CDK7: variants seen among roughly 807,000 people sequenced by gnomAD.
The protein encoded by CDK7 is cyclin-dependent kinase 7.
Under a neutral mutation model 49.1 loss-of-function variants are expected in CDK7, and 25 were observed. That is an observed-to-expected ratio of 0.51 (90% CI 0.37 to 0.71). The LOEUF (loss-of-function observed/expected upper bound fraction) is 0.71. CDK7 is among the 30% of genes least tolerant of loss of function. The pLI is 0.00. For missense variants in CDK7, 316 were observed against 411.7 expected, an observed-to-expected ratio of 0.77 and a Z score of 2.01; for synonymous variants, 107 against 140.0, an observed-to-expected ratio of 0.76 and a Z score of 1.67.
rs1406641331 is a variant in CDK7, at chr5:69,252,429, A to G, written c.138A>G (p.Gly46=). ...TCCGTTTCTACCAGATCAAACTTGGACATAGATCAGAAGCTAAAGATGGTA... is the reference window on the plus strand; with the variant it reads ...TCCGTTTCTACCAGATCAAACTTGGGCATAGATCAGAAGCTAAAGATGGTA... ...QIVAIKKIKL[G]HRSEAKDGIN... The change falls in exon 3 of 12, where the codon GGA becomes GGG. Residue 46 remains glycine (G), a synonymous_variant. Coordinates refer to ENST00000256443, the MANE Select transcript of CDK7 (RefSeq NM_001799.4). 9.6e-6 allele frequency: 15 copies of G among 1,557,446 alleles called. No homozygotes were observed. The highest frequency in any genetic ancestry group is 1.3e-5 in the Non-Finnish European group (15 of 1,149,040).
At chr5:69,246,792 T>C (rs1283915235) in intron 2 of CDK7, among the ~76,000 whole-genome samples, 2 of 152,116 alleles carry the variant, frequency 1.3e-5, no homozygotes, top group Admixed American at 1.3e-4. Flanking sequence ...TTTGGTATGT[T>C]GTGTTTCCGT....
In CDK7 at chr5:69,276,685, A is replaced by G; in HGVS notation, c.1007A>G (p.Glu336Gly). ...AAAAGGAAAAGAACAGAGGCCTTAGAACAAGGTAAGATTCCCACTTTTAAA... is the reference window on the plus strand; with the variant it reads ...AAAAGGAAAAGAACAGAGGCCTTAGGACAAGGTAAGATTCCCACTTTTAAA... ...AIKRKRTEAL[E>G]QGGLPKKLIF Residue 336 changes from glutamate (E) to glycine (G), a missense_variant, in exon 11 of 12, where the codon GAA becomes GGA. Transcript: ENST00000256443. 6.2e-7 allele frequency: 1 copy of G among 1,612,718 alleles called. No individual in the cohort carries two copies. Among genetic ancestry groups the G allele is most frequent in the Non-Finnish European group, 8.5e-7 (1 of 1,179,654 alleles).
intron 2 of CDK7, among the ~76,000 whole-genome samples, chr5:69,244,135 A>T (rs865884515): frequency 6.6e-6 from 1 of 152,118 alleles, no homozygotes; most frequent in African/African-American, 2.4e-5. Flanking sequence ...CCCGTTCAGT[A>T]GTTTTTATTT....
chr5:69,271,450 C>G (rs973537995), intron 9 of CDK7, among the ~76,000 whole-genome samples: 1 of 150,822 alleles, frequency 6.6e-6, no homozygotes, highest in Admixed American at 6.6e-5. Context: ...ATTGATCATC[C>G]TTTTGGTGTC....
At chr5:69,262,180 G>A (rs746662050) in intron 7 of CDK7, 25 bp from the exon 8 acceptor site, 2 of 1,612,624 alleles carry the variant, frequency 1.2e-6, no homozygotes, top group East Asian at 2.2e-5. Context: ...ATGCTAAAAT[G>A]ATACTAATTC....
chr5:69,256,346 T>G (rs1460560530), intron 5 of CDK7, among the ~76,000 whole-genome samples: 1 of 152,088 alleles, frequency 6.6e-6, no homozygotes, highest in Non-Finnish European at 1.5e-5. Context: ...TTTTTTTGTT[T>G]GTTTTTGTTT....
intron 9 of CDK7, among the ~76,000 whole-genome samples, chr5:69,271,365 G>A (rs930582907): frequency 2.0e-5 from 3 of 152,080 alleles, no homozygotes; most frequent in African/African-American, 7.2e-5. Flanking sequence ...AGTGTATGTA[G>A]TTTGCAGATG....
chr5:69,272,649 A>G (rs1312255000), intron 9 of CDK7, among the ~76,000 whole-genome samples: 1 of 152,086 alleles, frequency 6.6e-6, no homozygotes, highest in African/African-American at 2.4e-5. Flanking sequence ...GGTGATTATA[A>G]ATAGTACTGT....
intron 2 of CDK7, among the ~76,000 whole-genome samples, chr5:69,240,174 T>G (rs1314937319): frequency 6.6e-6 from 1 of 152,074 alleles, no homozygotes; most frequent in African/African-American, 2.4e-5. Flanking sequence ...GTGGTGGGTT[T>G]GTTTGTTTTT....
At chr5:69,252,286 A>C in intron 2 of CDK7, 132 bp from the exon 3 acceptor site, 1 of 648,742 alleles carries the variant, frequency 1.5e-6, no homozygotes, top group Non-Finnish European at 2.7e-6. Context: ...CTTTTTGCCT[A>C]GTAGGTACAT....
intron 8 of CDK7, among the ~76,000 whole-genome samples, chr5:69,267,903 TAAG>T (rs1446344627): frequency 1.3e-5 from 2 of 152,212 alleles, no homozygotes; most frequent in African/African-American, 4.8e-5. Flanking sequence ...CTTTTGGGTT[TAAG>T]AAGAAAATTA....
At chr5:69,238,669 T>A (rs1749169859) in intron 2 of CDK7, among the ~76,000 whole-genome samples, 2 of 151,708 alleles carry the variant, frequency 1.3e-5, no homozygotes, top group Admixed American at 6.6e-5. Context: ...TTTTATTTTT[T>A]TTTTTGAGAC....
At chr5:69,261,995 C>G (rs1381460627) in intron 7 of CDK7, among the ~76,000 whole-genome samples, 1 of 151,966 alleles carries the variant, frequency 6.6e-6, no homozygotes, top group Admixed American at 6.6e-5. Flanking sequence ...TGGGAAAAGT[C>G]TAGTAGAAAA....
chr5:69,273,766 A>T lies in CDK7; in HGVS notation c.864+725A>T, dbSNP rs150953359. ...ATATTAATGTACAGTAATATTAAGC[A>T]TACAAAATAGATTTTTTTCTCTTTA... On this transcript the variant is annotated intron_variant, in intron 10 of 11. Coordinates refer to ENST00000256443, the MANE Select transcript of CDK7 (RefSeq NM_001799.4). Among the ~76,000 whole-genome samples, 636 of 152,294 alleles carry T rather than the reference A, an allele frequency of 4.2e-3. 5 individuals are homozygous for T. Among genetic ancestry groups the T allele is most frequent in the African/African-American group, 0.014 (602 of 41,576 alleles).
At position 69,234,966 on chromosome 5, in the gene CDK7, A is replaced by G. The variant is rs745526198; in HGVS notation, c.-10A>G. Reference sequence around the variant, plus strand: ...CCCTTTTCGGCTGGAGTCGGGCTTTACGGCGCCGGATGGCTCTGGACGTGA... The same window carrying G: ...CCCTTTTCGGCTGGAGTCGGGCTTTGCGGCGCCGGATGGCTCTGGACGTGA... On this transcript the variant is annotated 5_prime_UTR_variant, in exon 1 of 12. Transcript: ENST00000256443. 6 of 1,589,828 alleles carry G rather than the reference A, an allele frequency of 3.8e-6. No individual in the cohort carries two copies. In the East Asian group the frequency reaches 1.4e-4, roughly 36 times the overall value.
intron 3 of CDK7, 105 bp downstream of exon 3, chr5:69,252,556 C>A: frequency 3.0e-6 from 2 of 656,476 alleles, no homozygotes; most frequent in Non-Finnish European, 4.9e-6. Flanking sequence ...GTCACCCAGG[C>A]TGGAGTACTG....
intron 2 of CDK7, among the ~76,000 whole-genome samples, chr5:69,239,876 A>AT (rs34223920): frequency 0.29 from 40,201 of 140,240 alleles, 6,060 homozygotes; most frequent in East Asian, 0.39. Flanking sequence ...AGGATCCAGT[A>AT]TTTTTTTTTT....
At chr5:69,274,867 C>T (rs568571563) in intron 10 of CDK7, among the ~76,000 whole-genome samples, 1 of 152,220 alleles carries the variant, frequency 6.6e-6, no homozygotes, top group African/African-American at 2.4e-5. Flanking sequence ...CCATCTGCCT[C>T]GGCCTCCCAA....
At chr5:69,235,251 G>A in intron 1 of CDK7, 143 bp from the exon 2 acceptor site, 1 of 781,982 alleles carries the variant, frequency 1.3e-6, no homozygotes, top group Non-Finnish European at 2.2e-6. Flanking sequence ...GCCTGGAGCT[G>A]GACGGAGACT....
Sources: gnomAD v4.1 joint callset for allele counts (sites outside exome capture counted in the v4.1 genomes callset) on GRCh38, gnomAD v4.1.1 for gene constraint, MANE v1.5 for transcripts, NCBI Gene and HGNC (gene_info 2026-07-23, HGNC 2026-07-21) for gene names.